DST: variants seen among roughly 807,000 people sequenced by gnomAD.
DST encodes bullous pemphigoid antigen.
DST carries 253 observed loss-of-function variants against 875.2 expected under a neutral mutation model. That is an observed-to-expected ratio of 0.29 (90% CI 0.26 to 0.32). The LOEUF (loss-of-function observed/expected upper bound fraction) is 0.32. Among genes scored for constraint, DST ranks in the 10% least tolerant of loss-of-function variants. The pLI is 1.00. For synonymous variants in DST, 3,124 were observed against 3,197.1 expected (o/e 0.98, Z 0.77); for missense variants, 8,287 against 9,111.6 (o/e 0.91, Z 3.68).
At chr6:56,721,938 G>A (rs2099418232) in intron 5 of DST, among the ~76,000 whole-genome samples, 1 of 152,160 alleles carries the variant, frequency 6.6e-6, no homozygotes, top group South Asian at 2.1e-4. Context: ...TTGGCTTTGA[G>A]GGCCATATAG....
intron 83 of DST, among the ~76,000 whole-genome samples, chr6:56,493,567 ATAATT>A (rs1397643725): frequency 2.0e-5 from 3 of 152,276 alleles, no homozygotes; most frequent in African/African-American, 7.2e-5. Flanking sequence ...AGACATATTC[ATAATT>A]TAATATACAT....
intron 4 of DST, among the ~76,000 whole-genome samples, chr6:56,812,777 C>T (rs2099761972): frequency 1.3e-5 from 2 of 152,190 alleles, no homozygotes; most frequent in African/African-American, 2.4e-5. Flanking sequence ...CACTTTTACA[C>T]TGTTAGTGGG....
chr6:56,681,102 C>CATA (rs1442436716), intron 9 of DST, among the ~76,000 whole-genome samples: 4 of 152,312 alleles, frequency 2.6e-5, no homozygotes, highest in African/African-American at 9.6e-5. Flanking sequence ...TGCGCTATAT[C>CATA]TCACAGCCCC....
intron 4 of DST, among the ~76,000 whole-genome samples, chr6:56,817,378 A>C (rs578157895): frequency 5.3e-5 from 8 of 152,334 alleles, no homozygotes; most frequent in African/African-American, 1.7e-4. Context: ...ACTTTATCTT[A>C]CTTTTCAGAT....
chr6:56,907,654 T>C (rs1796990515), intron 2 of DST, among the ~76,000 whole-genome samples: 1 of 152,212 alleles, frequency 6.6e-6, no homozygotes, highest in Admixed American at 6.5e-5. Context: ...ATTAATCTTC[T>C]ACATGTATCC....
intron 2 of DST, among the ~76,000 whole-genome samples, chr6:56,943,751 A>G (rs1301516604): frequency 1.3e-5 from 2 of 152,016 alleles, no homozygotes; most frequent in Non-Finnish European, 2.9e-5. Context: ...CTCATTTTCT[A>G]AAGTGTCTGA....
intron 99 of DST, among the ~76,000 whole-genome samples, chr6:56,465,115 A>T (rs2094517424): frequency 1.3e-5 from 2 of 152,194 alleles, no homozygotes. Context: ...GTCTTTGGCC[A>T]GGAGAGAGCA....
At chr6:56,919,589 G>A (rs1229473995) in intron 2 of DST, among the ~76,000 whole-genome samples, 2 of 152,108 alleles carry the variant, frequency 1.3e-5, no homozygotes, top group Non-Finnish European at 2.9e-5. Context: ...ACAACCATTA[G>A]TGCCTCTCTA....
At chr6:56,912,637 C>A (rs1302496068) in intron 2 of DST, among the ~76,000 whole-genome samples, 1 of 152,214 alleles carries the variant, frequency 6.6e-6, no homozygotes, top group Non-Finnish European at 1.5e-5. Context: ...ATGCCTCGCT[C>A]ATGTCACGCA....
intron 16 of DST, 71 bp downstream of exon 16, chr6:56,642,337 TAA>T: frequency 1.8e-6 from 2 of 1,114,552 alleles, no homozygotes; most frequent in Non-Finnish European, 2.8e-6. Flanking sequence ...AAACATTATG[TAA>T]AAGTTTTAGT....
chr6:56,464,594 A>G, intron 100 of DST, 91 bp downstream of exon 100: 3 of 925,946 alleles, frequency 3.2e-6, no homozygotes, highest in Non-Finnish European at 5.1e-6. Flanking sequence ...TGGATGAAGC[A>G]TGTTATTTTA....
chr6:56,470,307 G>C, intron 95 of DST, 25 bp from the exon 96 acceptor site: 2 of 1,555,362 alleles, frequency 1.3e-6, no homozygotes, highest in Non-Finnish European at 1.7e-6. Context: ...ACAATGGTAA[G>C]TAGTGACTTG....
chr6:56,849,705 C>T (rs1764045454), intron 4 of DST, among the ~76,000 whole-genome samples: 1 of 152,104 alleles, frequency 6.6e-6, no homozygotes, highest in African/African-American at 2.4e-5. Context: ...AGAGTTTTTC[C>T]CAATTTATCT....
intron 22 of DST, among the ~76,000 whole-genome samples, chr6:56,636,911 A>C (rs979577373): frequency 1.3e-5 from 2 of 152,062 alleles, no homozygotes; most frequent in Non-Finnish European, 2.9e-5. Flanking sequence ...GTGAAACCCC[A>C]TCTCCACTAA....
intron 8 of DST, 60 bp from the exon 9 acceptor site, chr6:56,699,805 T>C: frequency 1.4e-6 from 1 of 701,674 alleles, no homozygotes; most frequent in Admixed American, 3.7e-5. Context: ...ACCAGTTATC[T>C]TTACCTACAT....
chr6:56,694,325 G>C (rs2099250626), intron 9 of DST, among the ~76,000 whole-genome samples: 1 of 151,778 alleles, frequency 6.6e-6, no homozygotes, highest in Non-Finnish European at 1.5e-5. Context: ...TCTTTAGACT[G>C]ATCAAAAGAT....
At chr6:56,821,752 C>T (rs1013059175) in intron 4 of DST, among the ~76,000 whole-genome samples, 1 of 152,170 alleles carries the variant, frequency 6.6e-6, no homozygotes, top group African/African-American at 2.4e-5. Context: ...CACATAGGAA[C>T]ATTCACATTA....
chr6:56,844,629 C>G (rs1054352532), intron 4 of DST, among the ~76,000 whole-genome samples: 3 of 152,118 alleles, frequency 2.0e-5, no homozygotes, highest in Non-Finnish European at 4.4e-5. Context: ...AATCCCAGCA[C>G]TTTGGGAGGC....
intron 4 of DST, among the ~76,000 whole-genome samples, chr6:56,735,811 C>T (rs1482902488): frequency 6.6e-6 from 1 of 152,110 alleles, no homozygotes; most frequent in East Asian, 1.9e-4. Context: ...TAGACTCTGG[C>T]TGAACATTAA....
Sources: gnomAD v4.1 joint callset for allele counts (sites outside exome capture counted in the v4.1 genomes callset) on GRCh38, gnomAD v4.1.1 for gene constraint, MANE v1.5 for transcripts, NCBI Gene and HGNC (gene_info 2026-07-23, HGNC 2026-07-21) for gene names.